The following MSN variants were observed in gnomAD, a reference collection of about 807,000 sequenced individuals.
The protein encoded by MSN is epididymis luminal protein 70.
In MSN, 2 loss-of-function variants were observed where a neutral mutation model predicts 48.0. The observed-to-expected ratio is 0.04, with a 90% confidence interval of 0.02 to 0.13. The LOEUF is 0.13. Among genes scored for constraint, MSN ranks in the 10% least tolerant of loss-of-function variants. The pLI is 1.00. For missense variants in MSN, 267 were observed against 470.1 expected (o/e 0.57, Z 3.99); for synonymous variants, 146 against 166.9 (o/e 0.87, Z 0.97).
At chrX:65,588,631 G>T (rs986725868) in intron 1 of MSN, 33 of 793,524 alleles carry the variant, frequency 4.2e-5, no homozygotes, top group South Asian at 2.0e-4. Flanking sequence ...ACAGGGGCTG[G>T]CTGAGGGTTG....
chrX:65,595,837 C>A (rs2070182502), intron 1 of MSN, among the ~76,000 whole-genome samples: 1 of 112,417 alleles, frequency 8.9e-6, no homozygotes, highest in African/African-American at 3.2e-5. Context: ...GACAGTGATT[C>A]ACTCTGTGGC....
chrX:65,595,073 A>G (rs1051285188), intron 1 of MSN, among the ~76,000 whole-genome samples: 9 of 111,658 alleles, frequency 8.1e-5, no homozygotes, highest in African/African-American at 2.9e-4. Context: ...CTGAATACCA[A>G]GCACTCCCTA....
chrX:65,675,723 C>T lies in MSN; in HGVS notation c.12+7870C>T, dbSNP rs187200521. On this transcript the variant is annotated intron_variant, in intron 1 of 12. Coordinates refer to ENST00000360270, the MANE Select transcript of MSN (RefSeq NM_002444.3). ...TGCAATCTTGGCTCACTGCAACCTC[C>T]GCCTCCTGGGTTCAAGCGATTCTCG... Among the ~76,000 whole-genome samples the T allele has an allele frequency of 1.7e-3, 192 of 110,983 alleles. 1 individual carries two copies. The highest frequency in any genetic ancestry group is 6.0e-3 in the African/African-American group (184 of 30,504).
chrX:65,733,185 C>G lies in MSN; in HGVS notation c.700C>G (p.Leu234Val), dbSNP rs781669526. The change falls in exon 7 of 13, where the codon CTA becomes GTA. Residue 234 changes from leucine to valine, a missense_variant and splice_region_variant. By Grantham distance (32) the Leu-to-Val change is conservative (BLOSUM62 1). This residue lies in a region of MSN where 58 missense variants were observed against 104.6 expected (regional missense o/e 0.55). Transcript: ENST00000360270. ...TGTTATTGGTTTCTATTTCTACAGA[C>G]TAACTCCCAAGATAGGCTTCCCCTG... Reference protein sequence around the residue: ...GLNIYEQNDRLTPKIGFPWSE... With the variant: ...GLNIYEQNDRVTPKIGFPWSE... 8.3e-7 allele frequency: 1 copy of G among 1,205,703 alleles called. No individual in the cohort carries two copies. Among genetic ancestry groups the G allele is most frequent in the South Asian group, 1.8e-5 (1 of 56,753 alleles).
chrX:65,703,910 C>T (rs1238611070), intron 1 of MSN, among the ~76,000 whole-genome samples: 2 of 111,944 alleles, frequency 1.8e-5, no homozygotes. Flanking sequence ...AAGCGTCCCC[C>T]TGCAACTGCA....
At chrX:65,592,956 G>A (rs1363240771) in intron 1 of MSN, among the ~76,000 whole-genome samples, 1 of 111,006 alleles carries the variant, frequency 9.0e-6, no homozygotes, top group Admixed American at 9.6e-5. Flanking sequence ...CAGGAGAATC[G>A]CTTGAACCCA....
intron 1 of MSN, among the ~76,000 whole-genome samples, chrX:65,641,803 A>G (rs1282398712): frequency 9.3e-6 from 1 of 107,142 alleles, no homozygotes; most frequent in Non-Finnish European, 1.9e-5. Flanking sequence ...GCCTAAGGTT[A>G]TTTATCATAA....
chrX:65,674,536 C>T (rs2070977074), intron 1 of MSN, among the ~76,000 whole-genome samples: 1 of 111,716 alleles, frequency 9.0e-6, no homozygotes, highest in East Asian at 2.8e-4. Flanking sequence ...CCTGTCTACC[C>T]CTCACCCCAG....
chrX:65,731,799 C>A (rs762044375), intron 5 of MSN, 39 bp from the exon 6 acceptor site: 27 of 1,193,550 alleles, frequency 2.3e-5, no homozygotes, highest in Non-Finnish European at 2.9e-5. Context: ...GTCTGACTCA[C>A]AAGCCCCACT....
At chrX:65,653,549 A>C (rs1274804114) in intron 1 of MSN, among the ~76,000 whole-genome samples, 1 of 110,481 alleles carries the variant, frequency 9.1e-6, no homozygotes. Context: ...GCTACTATAC[A>C]TTAGGCTGAC....
intron 4 of MSN, among the ~76,000 whole-genome samples, chrX:65,730,817 A>C (rs1337600422): frequency 9.0e-6 from 1 of 111,619 alleles, no homozygotes; most frequent in Non-Finnish European, 1.9e-5. Flanking sequence ...CATTACTGCT[A>C]TGCTTAGGGA....
At chrX:65,642,999 A>G (rs1413210123) in intron 1 of MSN, among the ~76,000 whole-genome samples, 1 of 110,377 alleles carries the variant, frequency 9.1e-6, no homozygotes, top group Non-Finnish European at 1.9e-5. Flanking sequence ...CTTCTCCCTT[A>G]TCTCAGAGCA....
chrX:65,727,923 C>T lies in MSN; in HGVS notation c.192+14C>T. ...CTCAATAAGAAGGTAACTGCTTATT[C>T]CTCTGTTGGATTTAGAATTCTTTTC... On this transcript the variant is annotated intron_variant, in intron 3 of 12. Coordinates refer to ENST00000360270, the MANE Select transcript of MSN (RefSeq NM_002444.3). The T allele has an allele frequency of 1.7e-6, 2 of 1,159,965 alleles. No individual in the cohort carries two copies. Among genetic ancestry groups the T allele is most frequent in the Non-Finnish European group, 2.4e-6 (2 of 849,545 alleles).
rs186682236 is a variant in MSN, at chrX:65,736,307, C to T, written c.960-488C>T. ...TTGACAGGGCCCCGTGTACACTGGC[C>T]TATGTGGGGCTATGATATGAGGACA... On this transcript the variant is annotated intron_variant, in intron 8 of 12. Transcript: ENST00000360270. 3.8e-3 allele frequency among the ~76,000 whole-genome samples: 418 copies of T among 110,720 alleles called. 1 individual carries two copies. Among genetic ancestry groups the T allele is most frequent in the Admixed American group, 4.4e-3 (46 of 10,482 alleles).
intron 1 of MSN, among the ~76,000 whole-genome samples, chrX:65,628,937 G>T (rs2070531895): frequency 9.2e-6 from 1 of 109,037 alleles, no homozygotes; most frequent in Admixed American, 9.9e-5. Flanking sequence ...GTGATGGCGG[G>T]TATCTATGAT....
chrX:65,694,321 A>AT (rs769215487), intron 1 of MSN, among the ~76,000 whole-genome samples: 1 of 109,672 alleles, frequency 9.1e-6, no homozygotes. Context: ...ATACTACATT[A>AT]TCTCTTTAAG....
intron 1 of MSN, among the ~76,000 whole-genome samples, chrX:65,635,800 C>T (rs1247963773): frequency 8.9e-6 from 1 of 111,754 alleles, no homozygotes; most frequent in Admixed American, 9.6e-5. Flanking sequence ...AGATCATGAG[C>T]CATCCAGAAA....
chrX:65,717,149 T>C (rs1201548847), intron 2 of MSN, among the ~76,000 whole-genome samples: 2 of 112,336 alleles, frequency 1.8e-5, no homozygotes, highest in Non-Finnish European at 3.8e-5. Flanking sequence ...ATGGTGTATA[T>C]TCTATGCTAG....
chrX:65,680,005 G>C (rs1382174263), intron 1 of MSN, among the ~76,000 whole-genome samples: 1 of 112,323 alleles, frequency 8.9e-6, no homozygotes, highest in Non-Finnish European at 1.9e-5. Flanking sequence ...GGAAGCAGCT[G>C]CCTTGCTGGA....
Sources: gnomAD v4.1 joint callset for allele counts (sites outside exome capture counted in the v4.1 genomes callset) on GRCh38, gnomAD v4.1.1 for gene constraint, gnomAD v4.1.1 regional missense constraint, MANE v1.5 for transcripts, NCBI Gene and HGNC (gene_info 2026-07-23, HGNC 2026-07-21) for gene names.